Variants in ZNF609 observed in about 807,000 individuals in gnomAD.
ZNF609 encodes zinc finger protein 609.
Under a neutral mutation model 109.5 loss-of-function variants are expected in ZNF609, and 11 were observed. The ratio of observed to expected loss-of-function variants is 0.10; its 90% CI spans 0.06 to 0.17. The LOEUF (loss-of-function observed/expected upper bound fraction) is 0.17. Among genes scored for constraint, ZNF609 ranks in the 10% least tolerant of loss-of-function variants. The probability of loss-of-function intolerance (pLI) is 1.00; values close to 1 mark genes in which losing one functional copy is unlikely to be tolerated. For synonymous variants in ZNF609, 646 were observed against 662.0 expected, an observed-to-expected ratio of 0.98 and a Z score of 0.37; for missense variants, 1,559 against 1,772.4, an observed-to-expected ratio of 0.88 and a Z score of 2.16.
chr15:64,575,528 G>A (rs1894937001), intron 2 of ZNF609, among the ~76,000 whole-genome samples: 1 of 152,104 alleles, frequency 6.6e-6, no homozygotes, highest in African/African-American at 2.4e-5. Flanking sequence ...ACACAGGATG[G>A]GAATAACAAC....
rs1033570563 is a variant in ZNF609, at chr15:64,677,817, G to C, written c.3403-299G>C. ...AGGGGCAGCCTCTCCTATTTCAGTC[G>C]TTTTCCCAGAATGCTTGTTCTTACC... On this transcript the variant is annotated intron_variant, in intron 5 of 9. Coordinates refer to ENST00000326648, the MANE Select transcript of ZNF609 (RefSeq NM_015042.2). 1.2e-4 allele frequency among the ~76,000 whole-genome samples: 19 copies of C among 152,212 alleles called. No individual in the cohort carries two copies. The East Asian group carries it at 3.1e-3, about 25-fold the overall frequency.
In ZNF609 at chr15:64,535,161, A is replaced by G. The variant is rs549812368; in HGVS notation, c.747+34995A>G. 3.9e-4 allele frequency among the ~76,000 whole-genome samples: 60 copies of G among 152,186 alleles called. 1 individual carries two copies. The highest frequency in any genetic ancestry group is 1.3e-3 in the African/African-American group (52 of 41,528). On this transcript the variant is annotated intron_variant, in intron 2 of 9. Transcript: ENST00000326648. ...AACCTTGAACTCCTAGCCTCAAACT[A>G]TCCTCCTGCCTCAACCTCCCAAGTA...
At chr15:64,539,550 C>G (rs960248088) in intron 2 of ZNF609, among the ~76,000 whole-genome samples, 26 of 151,726 alleles carry the variant, frequency 1.7e-4, no homozygotes, top group African/African-American at 6.1e-4. Context: ...GTCACCCAGG[C>G]TGGAGTGCAG....
chr15:64,560,705 G>A (rs1468868188), intron 2 of ZNF609, among the ~76,000 whole-genome samples: 1 of 152,136 alleles, frequency 6.6e-6, no homozygotes, highest in Non-Finnish European at 1.5e-5. Context: ...TTATGAAGAA[G>A]AAATTGGCAG....
intron 3 of ZNF609, among the ~76,000 whole-genome samples, chr15:64,641,672 T>C (rs1896261031): frequency 6.6e-6 from 1 of 151,068 alleles, no homozygotes; most frequent in South Asian, 2.1e-4. Context: ...CATTAGAGTT[T>C]GGGAGTGGGA....
intron 1 of ZNF609, among the ~76,000 whole-genome samples, chr15:64,475,258 C>T (rs927209968): frequency 2.0e-5 from 3 of 151,652 alleles, no homozygotes; most frequent in Non-Finnish European, 2.9e-5. Context: ...TTCAACTTAG[C>T]AAAAAAATTT....
intron 2 of ZNF609, among the ~76,000 whole-genome samples, chr15:64,620,089 G>A (rs1895855737): frequency 6.6e-6 from 1 of 152,204 alleles, no homozygotes. Context: ...GGAACAGGTT[G>A]GCAATAGGAC....
intron 2 of ZNF609, among the ~76,000 whole-genome samples, chr15:64,598,575 C>G (rs994963445): frequency 1.3e-5 from 2 of 151,338 alleles, no homozygotes; most frequent in African/African-American, 4.9e-5. Flanking sequence ...CTCCATCATA[C>G]TTTTTCCTTT....
intron 1 of ZNF609, among the ~76,000 whole-genome samples, chr15:64,481,389 C>T (rs1453982120): frequency 1.1e-4 from 16 of 146,558 alleles, no homozygotes; most frequent in Non-Finnish European, 1.6e-4. Context: ...GGCGCGATCT[C>T]GGCTCACCGC....
intron 3 of ZNF609, among the ~76,000 whole-genome samples, chr15:64,665,517 C>A (rs1415714779): frequency 1.3e-5 from 2 of 152,080 alleles, no homozygotes; most frequent in African/African-American, 4.8e-5. Context: ...TTTAGGAAAC[C>A]AAGGCAGGAG....
rs559160262 is a variant in ZNF609 at position 64,521,128 on chromosome 15, G to T, written c.747+20962G>T. 2.6e-5 allele frequency among the ~76,000 whole-genome samples: 4 copies of T among 152,308 alleles called. No homozygotes were observed. The South Asian group carries it at 8.3e-4, about 32-fold the overall frequency. On this transcript the variant is annotated intron_variant, in intron 2 of 9. Transcript: ENST00000326648. ...AGAGAAATCCTTGGATAGCACTCAA[G>T]CTGGAAGCAATAGGTTAAGTAACCC...
chr15:64,534,924 T>C (rs557975080), intron 2 of ZNF609, among the ~76,000 whole-genome samples: 35 of 151,834 alleles, frequency 2.3e-4, no homozygotes, highest in South Asian at 1.0e-3. Context: ...TCCCAGCTAC[T>C]CAGGAGGCTA....
intron 1 of ZNF609, among the ~76,000 whole-genome samples, chr15:64,481,176 A>G: frequency 6.6e-6 from 1 of 152,226 alleles, no homozygotes; most frequent in East Asian, 1.9e-4. Context: ...AGAGAAACCT[A>G]CTGGAAATTT....
intron 2 of ZNF609, among the ~76,000 whole-genome samples, chr15:64,621,570 A>G (rs141997410): frequency 1.3e-5 from 2 of 152,054 alleles, no homozygotes; most frequent in African/African-American, 4.8e-5. Context: ...TACCCAGGCT[A>G]GTCTTGAACT....
intron 2 of ZNF609, among the ~76,000 whole-genome samples, chr15:64,606,558 CAAAA>C (rs71133455): frequency 2.2e-5 from 2 of 92,660 alleles, no homozygotes; most frequent in African/African-American, 4.0e-5. Flanking sequence ...GACTCCATCT[CAAAA>C]AAAAAAAAAA....
chr15:64,524,828 C>T (rs920906595), intron 2 of ZNF609, among the ~76,000 whole-genome samples: 4 of 151,868 alleles, frequency 2.6e-5, no homozygotes, highest in Admixed American at 6.6e-5. Flanking sequence ...TTATTATATA[C>T]CTAGGGATAG....
At chr15:64,501,796 T>C (rs903120800) in intron 2 of ZNF609, 5 of 152,244 alleles carry the variant, frequency 3.3e-5, no homozygotes, top group Non-Finnish European at 7.3e-5. Context: ...TGCAACCTTC[T>C]AAGCCCAGTG....
intron 2 of ZNF609, among the ~76,000 whole-genome samples, chr15:64,603,266 T>C (rs181847977): frequency 6.7e-6 from 1 of 148,544 alleles, no homozygotes; most frequent in African/African-American, 2.5e-5. Flanking sequence ...AGTCACTGAG[T>C]CCTATTTTTT....
intron 8 of ZNF609, among the ~76,000 whole-genome samples, chr15:64,681,064 G>A (rs1327781096): frequency 6.6e-6 from 1 of 151,908 alleles, no homozygotes; most frequent in Non-Finnish European, 1.5e-5. Flanking sequence ...TCCTCCCTTG[G>A]AGTTTGGGGA....
Sources: allele counts gnomAD v4.1 joint callset (sites outside exome capture counted in the v4.1 genomes callset), GRCh38; gene constraint gnomAD v4.1.1; transcripts MANE v1.5; gene names NCBI Gene and HGNC (gene_info 2026-07-23, HGNC 2026-07-21).